Variants in WWC2 observed in about 807,000 individuals in gnomAD.
WWC2 encodes WW and C2 domain containing 2.
A neutral mutation model predicts 138.5 loss-of-function variants in WWC2; 101 were observed. The ratio of observed to expected loss-of-function variants is 0.73; its 90% CI spans 0.62 to 0.86. The LOEUF is 0.86. WWC2 is among the 40% of genes least tolerant of loss of function. The probability of loss-of-function intolerance (pLI) is 0.00; values close to 1 mark genes in which losing one functional copy is unlikely to be tolerated. For synonymous variants in WWC2, 558 were observed against 538.4 expected (o/e 1.04, Z -0.50); for missense variants, 1,420 against 1,419.4 (o/e 1.00, Z -0.01).
chr4:183,224,914 G>C (rs553037167), intron 4 of WWC2, among the ~76,000 whole-genome samples: 132 of 152,252 alleles, frequency 8.7e-4, no homozygotes, highest in Middle Eastern at 3.4e-3. Flanking sequence ...AAACATAACT[G>C]ACATGTTTTA....
intron 1 of WWC2, among the ~76,000 whole-genome samples, chr4:183,156,161 G>A (rs967959862): frequency 2.6e-5 from 4 of 151,844 alleles, no homozygotes; most frequent in Non-Finnish European, 4.4e-5. Context: ...TGAGTAGCTC[G>A]GATTACAGGT....
chr4:183,125,292 A>C (rs1732726556), intron 1 of WWC2, among the ~76,000 whole-genome samples: 2 of 152,160 alleles, frequency 1.3e-5, no homozygotes, highest in Non-Finnish European at 2.9e-5. Flanking sequence ...AATTATCTGC[A>C]CATATTTCTA....
At chr4:183,280,645 C>A in intron 16 of WWC2, 131 bp from the exon 17 acceptor site, 1 of 1,025,068 alleles carries the variant, frequency 9.8e-7, no homozygotes, top group Non-Finnish European at 1.4e-6. Flanking sequence ...TTTTATTCAG[C>A]TTTCATATTT....
chr4:183,309,742 G>A lies in WWC2; in HGVS notation c.3385-2599G>A, dbSNP rs921279204. 1.1e-4 allele frequency among the ~76,000 whole-genome samples: 17 copies of A among 152,280 alleles called. 1 individual carries two copies. The South Asian group carries it at 2.3e-3, about 20-fold the overall frequency. On this transcript the variant is annotated intron_variant, in intron 21 of 22. Transcript: ENST00000403733. Reference sequence around the variant, plus strand: ...TCCTTGGTATGAGTTGAAAATTTACGTACACATGAAAACCTTTGCATGAAT... The same window carrying A: ...TCCTTGGTATGAGTTGAAAATTTACATACACATGAAAACCTTTGCATGAAT...
chr4:183,112,793 T>A (rs1315659775), intron 1 of WWC2, among the ~76,000 whole-genome samples: 1 of 152,084 alleles, frequency 6.6e-6, no homozygotes, highest in Non-Finnish European at 1.5e-5. Flanking sequence ...AGGAAAGGCC[T>A]TTCTGAGGAG....
rs1739423891 is a variant in WWC2, at chr4:183,315,972, A to G, written c.*243A>G. On this transcript the variant is annotated 3_prime_UTR_variant, in exon 23 of 23. Coordinates refer to ENST00000403733, the MANE Select transcript of WWC2 (RefSeq NM_024949.6). Reference sequence around the variant, plus strand: ...AAAGATGGGATAACCTGGTACACAAATGTTGCCCAGTATGTGCGCATTGCC... The same window carrying G: ...AAAGATGGGATAACCTGGTACACAAGTGTTGCCCAGTATGTGCGCATTGCC... The G allele has an allele frequency of 2.5e-6, 1 of 393,172 alleles. No individual in the cohort carries two copies. The highest frequency in any genetic ancestry group is 2.0e-5 in the African/African-American group (1 of 48,882). 24.4% of individuals were successfully genotyped at this position (393,172 alleles called of 1,614,324 possible).
chr4:183,261,254 C>T lies in WWC2; in HGVS notation c.1631C>T (p.Ala544Val), dbSNP rs1436763919. ...CTGGCTGAGGCCCCGAAGTCTGTGGCCTCCCTGTCCTCGAGGTCCTCCCTT... is the reference window on the plus strand; with the variant it reads ...CTGGCTGAGGCCCCGAAGTCTGTGGTCTCCCTGTCCTCGAGGTCCTCCCTT... ...PPLAEAPKSV[A>V]SLSSRSSLSS... Residue 544 changes from alanine (A) to valine (V), a missense_variant, in exon 11 of 23, where the codon GCC becomes GTC. By Grantham distance (64) the Ala-to-Val change is moderately conservative (BLOSUM62 0). Coordinates refer to ENST00000403733, the MANE Select transcript of WWC2 (RefSeq NM_024949.6). The T allele has an allele frequency of 1.9e-6, 3 of 1,612,974 alleles. No individual in the cohort carries two copies. Among genetic ancestry groups the T allele is most frequent in the African/African-American group, 2.7e-5 (2 of 74,906 alleles).
intron 1 of WWC2, among the ~76,000 whole-genome samples, chr4:183,100,145 C>A (rs540036663): frequency 8.5e-5 from 13 of 152,350 alleles, no homozygotes; most frequent in Admixed American, 3.3e-4. Context: ...CTCCCGCCCC[C>A]CGCCGGGCCC....
At chr4:183,209,135 C>T (rs1705771232) in intron 4 of WWC2, 110 bp downstream of exon 4, 5 of 693,156 alleles carry the variant, frequency 7.2e-6, no homozygotes, top group Non-Finnish European at 1.2e-5. Flanking sequence ...TAGAAAACTC[C>T]TCCCCTTATC....
chr4:183,227,643 C>T (rs140610061), intron 4 of WWC2, among the ~76,000 whole-genome samples: 6 of 152,052 alleles, frequency 3.9e-5, no homozygotes, highest in East Asian at 1.9e-4. Flanking sequence ...AAATTAATCA[C>T]GTAATGAATT....
intron 1 of WWC2, among the ~76,000 whole-genome samples, chr4:183,179,323 T>TA (rs1734555837): frequency 6.6e-6 from 1 of 152,136 alleles, no homozygotes; most frequent in Non-Finnish European, 1.5e-5. Flanking sequence ...ACAAGGAGGG[T>TA]ATATCCATGT....
chr4:183,116,821 T>C (rs577285890), intron 1 of WWC2, among the ~76,000 whole-genome samples: 1 of 152,334 alleles, frequency 6.6e-6, no homozygotes, highest in Admixed American at 6.5e-5. Flanking sequence ...ATAGGCTCTG[T>C]TTAGTTAAAT....
intron 1 of WWC2, among the ~76,000 whole-genome samples, chr4:183,143,986 CAG>C (rs1733377883): frequency 6.6e-6 from 1 of 152,106 alleles, no homozygotes; most frequent in African/African-American, 2.4e-5. Flanking sequence ...TCTTTTCTAA[CAG>C]AAAGGCCAAA....
rs764279494 is a variant in WWC2, at chr4:183,253,848, A to G, written c.1045A>G (p.Asn349Asp). The G allele has an allele frequency of 6.2e-7, 1 of 1,613,770 alleles. No individual in the cohort carries two copies. Among genetic ancestry groups the G allele is most frequent in the Middle Eastern group, 1.6e-4 (1 of 6,062 alleles). The change falls in exon 9 of 23, where the codon AAT (asparagine) becomes GAT (aspartate). Residue 349 changes from asparagine to aspartate, a missense_variant. Physicochemically the swap from Asn to Asp is conservative, Grantham distance 23 (BLOSUM62 1). Transcript: ENST00000403733. ...DIEKEKLMLINEKEELLKELQ... is the reference protein window; with the variant it reads ...DIEKEKLMLIDEKEELLKELQ... Reference sequence around the variant, plus strand: ...TGAGAAGGAAAAACTGATGCTGATTAATGAAAAAGAAGAACTTTTGAAAGA... The same window carrying G: ...TGAGAAGGAAAAACTGATGCTGATTGATGAAAAAGAAGAACTTTTGAAAGA...
intron 22 of WWC2, among the ~76,000 whole-genome samples, chr4:183,313,044 A>C (rs879813238): frequency 9.2e-5 from 14 of 152,046 alleles, no homozygotes; most frequent in Admixed American, 3.3e-4. Context: ...CCAGCAGAGG[A>C]GATTATAAGA....
At chr4:183,239,159 A>T (rs1006179974) in intron 4 of WWC2, among the ~76,000 whole-genome samples, 2 of 152,106 alleles carry the variant, frequency 1.3e-5, no homozygotes, top group Non-Finnish European at 2.9e-5. Context: ...TACTAAAAAC[A>T]CAAAAACTAG....
chr4:183,158,093 T>G (rs1041053117), intron 1 of WWC2, among the ~76,000 whole-genome samples: 3 of 152,186 alleles, frequency 2.0e-5, no homozygotes, highest in African/African-American at 4.8e-5. Flanking sequence ...TAGGGCCACA[T>G]CTAACACCCC....
intron 1 of WWC2, among the ~76,000 whole-genome samples, chr4:183,170,648 G>A (rs1734250355): frequency 6.6e-6 from 1 of 152,102 alleles, no homozygotes; most frequent in African/African-American, 2.4e-5. Flanking sequence ...TGAGAGCACG[G>A]TAGAAATAAC....
chr4:183,212,250 A>G (rs557016691), intron 4 of WWC2, among the ~76,000 whole-genome samples: 107 of 152,248 alleles, frequency 7.0e-4, no homozygotes, highest in Non-Finnish European at 1.4e-3. Context: ...GTTTGTCTAC[A>G]CTTACTGGAA....
Sources: gnomAD v4.1 joint callset for allele counts (sites outside exome capture counted in the v4.1 genomes callset) on GRCh38, gnomAD v4.1.1 for gene constraint, MANE v1.5 for transcripts, NCBI Gene and HGNC (gene_info 2026-07-23, HGNC 2026-07-21) for gene names.